POU2F2: variants seen among roughly 807,000 people sequenced by gnomAD.
POU2F2 encodes the protein POU class 2 homeobox 2, also known as POU domain, class 2, transcription factor 2.
A neutral mutation model predicts 63.5 loss-of-function variants in POU2F2; 14 were observed. The observed-to-expected ratio is 0.22, with a 90% CI of 0.15 to 0.34. POU2F2 has a LOEUF of 0.34. Among genes scored for constraint, POU2F2 ranks in the 10% least tolerant of loss-of-function variants. POU2F2 has a pLI of 1.00. For missense variants in POU2F2, 607 were observed against 815.2 expected (o/e 0.74, Z 3.11); for synonymous variants, 306 against 348.6 (o/e 0.88, Z 1.36).
chr19:42,164,899 C>T (rs2034620466), intron 1 of POU2F2, among the ~76,000 whole-genome samples: 1 of 150,802 alleles, frequency 6.6e-6, no homozygotes, highest in African/African-American at 2.4e-5. Context: ...GAGGTAGAGG[C>T]TGCAGTGAGC....
At position 42,122,142 on chromosome 19, in the gene POU2F2, G is replaced by A; in HGVS notation, c.170C>T (p.Thr57Ile). ...NKTSPFSVSP[T>I]GPSTKVGILS... ...GGTGCTTACCTTTGTACTGGGGCCA[G>A]TTGGGGACACGGAGAATGGGGAGGT... The change falls in exon 4 of 15, where the codon ACT (threonine) becomes ATT (isoleucine). Residue 57 changes from threonine (T) to isoleucine (I), a missense_variant. Thr to Ile is a moderately conservative substitution (Grantham distance 89). Around this residue, in one of 7 missense-constraint regions of POU2F2, gnomAD observed 224 missense variants for 264.3 expected, o/e 0.85. Coordinates refer to ENST00000692977, the MANE Select transcript of POU2F2 (RefSeq NM_001394376.1). The A allele has an allele frequency of 3.1e-6, 5 of 1,613,580 alleles. No homozygotes were observed. The highest frequency in any genetic ancestry group is 4.2e-6 in the Non-Finnish European group (5 of 1,179,538).
At chr19:42,139,483 T>A (rs1159596019) in intron 2 of POU2F2, among the ~76,000 whole-genome samples, 1 of 152,080 alleles carries the variant, frequency 6.6e-6, no homozygotes, top group Non-Finnish European at 1.5e-5. Flanking sequence ...AGCTTGAACA[T>A]TCTTTTATTT....
chr19:42,095,499 C>T lies in POU2F2; in HGVS notation c.1021-37G>A. ...GGGCTCGTTAGCCCGAGGCCCACCG[C>T]CCGCCACCCCTCAGGTGAGGGCCAC... On this transcript the variant is annotated intron_variant, in intron 10 of 14. Transcript: ENST00000692977. This position sits in a 1 kb window ranked among gnomAD's most constrained non-coding sequence, Gnocchi z 7.1. The T allele has an allele frequency of 6.2e-7, 1 of 1,606,228 alleles. No homozygotes were observed. Among genetic ancestry groups the T allele is most frequent in the South Asian group, 1.1e-5 (1 of 90,534 alleles).
chr19:42,177,518 GAC>G (rs1175652370), upstream of POU2F2, among the ~76,000 whole-genome samples: 2 of 151,510 alleles, frequency 1.3e-5, no homozygotes, highest in Non-Finnish European at 3.0e-5. Flanking sequence ...GACACAGAGA[GAC>G]ACAGAGACGG....
upstream of POU2F2, among the ~76,000 whole-genome samples, chr19:42,180,568 A>C (rs1327927145): frequency 6.6e-6 from 1 of 152,106 alleles, no homozygotes; most frequent in Non-Finnish European, 1.5e-5. Flanking sequence ...CAGGGCAGAG[A>C]CCAAGGATGT....
At chr19:42,132,271 AGAG>A (rs1314686006) in intron 1 of POU2F2, 110 bp downstream of exon 1, 14 of 1,249,616 alleles carry the variant, frequency 1.1e-5, no homozygotes, top group East Asian at 2.8e-5. Flanking sequence ...GCTAGAGTAC[AGAG>A]GAGAAGGACA....
At chr19:42,104,606 G>A (rs1279357208) in intron 5 of POU2F2, among the ~76,000 whole-genome samples, 2 of 152,120 alleles carry the variant, frequency 1.3e-5, no homozygotes, top group African/African-American at 4.8e-5. Context: ...GAAAGCTCAA[G>A]AGGCAGAACA....
chr19:42,095,686 C>T lies in POU2F2; in HGVS notation c.879G>A (p.Met293Ile). The change falls in exon 10 of 15, where the codon ATG becomes ATA. Residue 293 changes from methionine to isoleucine, a missense_variant. By Grantham distance (10) the Met-to-Ile change is conservative (BLOSUM62 1). Coordinates refer to ENST00000692977, the MANE Select transcript of POU2F2 (RefSeq NM_001394376.1). The surrounding 1 kb of genome is among the most constrained non-coding windows in gnomAD (Gnocchi z 7.1). ...LEKWLNDAETMSVDSSLPSPN... is the reference protein window; with the variant it reads ...LEKWLNDAETISVDSSLPSPN... Reference sequence around the variant, plus strand: ...GGCTGGGCAGGCTTGAGTCCACAGACATAGTCTCTGTGCGCCGGGGGAGAC... The same window carrying T: ...GGCTGGGCAGGCTTGAGTCCACAGATATAGTCTCTGTGCGCCGGGGGAGAC... 6.2e-7 allele frequency: 1 copy of T among 1,611,834 alleles called. No individual in the cohort carries two copies. Among genetic ancestry groups the T allele is most frequent in the Admixed American group, 1.7e-5 (1 of 60,016 alleles).
intron 1 of POU2F2, among the ~76,000 whole-genome samples, chr19:42,195,811 A>T (rs537299060): frequency 2.2e-3 from 273 of 124,892 alleles, no homozygotes; most frequent in Non-Finnish European, 3.7e-3. Flanking sequence ...ACAGAGTCTC[A>T]TTCTGTTGCC....
intron 5 of POU2F2, among the ~76,000 whole-genome samples, chr19:42,112,526 C>T (rs1024931507): frequency 2.6e-5 from 4 of 152,292 alleles, no homozygotes; most frequent in Middle Eastern, 3.4e-3. Context: ...CATGCCACCA[C>T]GGCCGGCTAA....
intron 1 of POU2F2, among the ~76,000 whole-genome samples, chr19:42,161,498 G>C (rs904493645): frequency 2.0e-5 from 3 of 152,090 alleles, no homozygotes; most frequent in Non-Finnish European, 4.4e-5. Flanking sequence ...CCACAGCCCT[G>C]TAGGAAGGAG....
At chr19:42,161,817 C>T (rs773982483) in intron 1 of POU2F2, among the ~76,000 whole-genome samples, 4 of 152,124 alleles carry the variant, frequency 2.6e-5, no homozygotes, top group Non-Finnish European at 5.9e-5. Context: ...GGTTGCTCCC[C>T]GCTCAGGGGC....
chr19:42,142,011 T>C (rs1356033077), intron 2 of POU2F2, among the ~76,000 whole-genome samples: 1 of 152,212 alleles, frequency 6.6e-6, no homozygotes, highest in Non-Finnish European at 1.5e-5. Context: ...TCCAAGACAC[T>C]GTTAAGTGAA....
intron 5 of POU2F2, among the ~76,000 whole-genome samples, chr19:42,101,071 A>G (rs1012714003): frequency 6.6e-6 from 1 of 152,164 alleles, no homozygotes; most frequent in Non-Finnish European, 1.5e-5. Flanking sequence ...GTGTCTCTGC[A>G]CTGCAGCCTG....
chr19:42,119,061 G>A (rs549586727), intron 4 of POU2F2, among the ~76,000 whole-genome samples: 164 of 152,080 alleles, frequency 1.1e-3, no homozygotes, highest in African/African-American at 3.9e-3. Context: ...GGCTGAGGCA[G>A]GAGGATTGCT....
upstream of POU2F2, among the ~76,000 whole-genome samples, chr19:42,135,429 A>T (rs1568408782): frequency 6.6e-6 from 1 of 151,972 alleles, no homozygotes; most frequent in Non-Finnish European, 1.5e-5. Flanking sequence ...GACCCAAACA[A>T]GCAGGAAAAC....
intron 2 of POU2F2, among the ~76,000 whole-genome samples, chr19:42,142,651 C>T (rs1166893840): frequency 6.6e-6 from 1 of 152,036 alleles, no homozygotes; most frequent in Non-Finnish European, 1.5e-5. Flanking sequence ...CTGCAACTGC[C>T]ACCCCCCAGC....
intron 2 of POU2F2, among the ~76,000 whole-genome samples, chr19:42,149,361 G>A (rs1217158750): frequency 6.6e-6 from 1 of 152,202 alleles, no homozygotes; most frequent in African/African-American, 2.4e-5. Flanking sequence ...TTCTGCTGAT[G>A]TTCCAAGGAC....
At chr19:42,181,272 T>C (rs1177432852) in intron 1 of POU2F2, among the ~76,000 whole-genome samples, 3 of 152,220 alleles carry the variant, frequency 2.0e-5, no homozygotes, top group African/African-American at 7.2e-5. Flanking sequence ...CACCATACAC[T>C]GTACACAACA....
Sources: gnomAD v4.1 joint callset for allele counts (sites outside exome capture counted in the v4.1 genomes callset) on GRCh38, gnomAD v4.1.1 for gene constraint, gnomAD v4.1.1 regional missense constraint, Gnocchi (gnomAD v3.1) non-coding constraint, MANE v1.5 for transcripts, NCBI Gene and HGNC (gene_info 2026-07-23, HGNC 2026-07-21) for gene names.